The following FRMPD2 variants were observed in gnomAD, a reference collection of about 807,000 sequenced individuals.
FRMPD2 encodes FERM and PDZ domain containing 2, also known as FERM and PDZ domain-containing protein 2.
A neutral mutation model predicts 140.1 loss-of-function variants in FRMPD2; 96 were observed. That is an observed-to-expected ratio of 0.69 (90% CI 0.58 to 0.81). The LOEUF is 0.81. Ranked by LOEUF, FRMPD2 falls within the 40% of genes least tolerant of loss-of-function variation. The pLI, the probability that FRMPD2 is intolerant of heterozygous loss-of-function variation, is 0.00. For synonymous variants in FRMPD2, 449 were observed against 547.6 expected (o/e 0.82, Z 2.52); for missense variants, 1,240 against 1,447.4 (o/e 0.86, Z 2.32).
At position 48,242,147 on chromosome 10, in the gene FRMPD2, G is replaced by A. The variant is rs372542239; in HGVS notation, c.567+14C>T. 7.7e-6 allele frequency: 12 copies of A among 1,553,584 alleles called. No homozygotes were observed. The highest frequency in any genetic ancestry group is 4.5e-5 in the East Asian group (2 of 43,980). On this transcript the variant is annotated intron_variant, in intron 5 of 28. Transcript: ENST00000374201. ...CCAGCAGCTACTGCTTGAAAAGCAC[G>A]GTTCTCTACTGACCTCAGAAATGGT... is the stretch of plus-strand genomic sequence containing the variant.
intron 12 of FRMPD2, among the ~76,000 whole-genome samples, chr10:48,218,989 T>C (rs567366607): frequency 2.6e-5 from 4 of 152,328 alleles, no homozygotes; most frequent in Non-Finnish European, 5.9e-5. Flanking sequence ...TCACCTGTGC[T>C]GGCCAAAGGT....
chr10:48,255,697 G>A (rs1474805963), intron 1 of FRMPD2, among the ~76,000 whole-genome samples: 1 of 152,212 alleles, frequency 6.6e-6, no homozygotes, highest in African/African-American at 2.4e-5. Context: ...AGCTTTTGGT[G>A]TGGGGGACAT....
chr10:48,273,666 C>T (rs1472597548), intron 1 of FRMPD2, among the ~76,000 whole-genome samples: 1 of 152,170 alleles, frequency 6.6e-6, no homozygotes, highest in Non-Finnish European at 1.5e-5. Flanking sequence ...CATGCAGGTC[C>T]AGCATTCTGC....
chr10:48,209,074 C>A (rs1223130373), intron 13 of FRMPD2, among the ~76,000 whole-genome samples: 1 of 152,118 alleles, frequency 6.6e-6, no homozygotes, highest in African/African-American at 2.4e-5. Flanking sequence ...TTGGGGAAAC[C>A]AGCTCCTGGC....
At chr10:48,196,353 T>C (rs1210122756) in intron 15 of FRMPD2, among the ~76,000 whole-genome samples, 2 of 152,192 alleles carry the variant, frequency 1.3e-5, no homozygotes, top group Non-Finnish European at 2.9e-5. Flanking sequence ...GATTGGTCCT[T>C]TTGAAAGGTC....
rs1036207836 is a variant in FRMPD2 at position 48,183,807 on chromosome 10, G to A, written c.2584+759C>T. 1.1e-4 allele frequency among the ~76,000 whole-genome samples: 15 copies of A among 136,800 alleles called. No individual in the cohort carries two copies. In the Middle Eastern group the frequency reaches 0.013, roughly 118 times the overall value. The allele number at this position is 136,800 out of a possible 152,430, so 89.7% of individuals were successfully genotyped here. A position where few individuals can be genotyped will look rare whatever the true frequency, so the allele number is the denominator to read the frequency against. On this transcript the variant is annotated intron_variant, in intron 20 of 28. Transcript: ENST00000374201. Reference sequence around the variant, plus strand: ...GTGGAGCCTGCAGAAAGCCAAGATCGTGCCATTGCACTCCATCCTGGGTGA... The same window carrying A: ...GTGGAGCCTGCAGAAAGCCAAGATCATGCCATTGCACTCCATCCTGGGTGA...
intron 24 of FRMPD2, among the ~76,000 whole-genome samples, chr10:48,174,548 C>T (rs1341599209): frequency 1.3e-5 from 2 of 151,676 alleles, no homozygotes; most frequent in African/African-American, 4.8e-5. Context: ...GCAGCCAGAG[C>T]CAGGCTAGAG....
intron 3 of FRMPD2, among the ~76,000 whole-genome samples, chr10:48,247,180 A>G (rs1840269416): frequency 6.6e-6 from 1 of 152,220 alleles, no homozygotes; most frequent in South Asian, 2.1e-4. Context: ...GGAGGAAGGA[A>G]CATATTATTT....
chr10:48,199,420 G>A, intron 15 of FRMPD2, among the ~76,000 whole-genome samples: 1 of 152,182 alleles, frequency 6.6e-6, no homozygotes, highest in East Asian at 1.9e-4. Flanking sequence ...AATGTGATGA[G>A]TTACATTTCT....
rs190543072 is a variant in FRMPD2 at position 48,187,844 on chromosome 10, G to A, written c.2166-552C>T. Among the ~76,000 whole-genome samples, 429 of 152,272 alleles carry A rather than the reference G, an allele frequency of 2.8e-3. 1 individual carries two copies. The highest frequency in any genetic ancestry group is 9.8e-3 in the African/African-American group (409 of 41,558). On this transcript the variant is annotated intron_variant, in intron 16 of 28. Transcript: ENST00000374201. ...CATTGTACATGTTGTGTTGGGTGCCGCCTGATCATACCATGCTGTGAACAA... is the reference window on the plus strand; with the variant it reads ...CATTGTACATGTTGTGTTGGGTGCCACCTGATCATACCATGCTGTGAACAA...
chr10:48,181,569 C>T (rs1274074781), intron 20 of FRMPD2, among the ~76,000 whole-genome samples: 2 of 152,004 alleles, frequency 1.3e-5, no homozygotes, highest in Non-Finnish European at 2.9e-5. Flanking sequence ...AAACTGCAGG[C>T]CCCTGTGAGT....
intron 3 of FRMPD2, among the ~76,000 whole-genome samples, chr10:48,247,807 C>A (rs941823083): frequency 6.6e-6 from 1 of 152,124 alleles, no homozygotes; most frequent in African/African-American, 2.4e-5. Flanking sequence ...GTAGGTGGAG[C>A]CAAGAGTCCC....
At chr10:48,222,157 G>A (rs1271450728) in intron 12 of FRMPD2, among the ~76,000 whole-genome samples, 156 bp downstream of exon 12, 1 of 152,068 alleles carries the variant, frequency 6.6e-6, no homozygotes. Flanking sequence ...TGGATGGATG[G>A]ATGGATGGAT....
intron 17 of FRMPD2, among the ~76,000 whole-genome samples, chr10:48,185,871 A>G (rs1171283751): frequency 2.6e-5 from 4 of 152,230 alleles, no homozygotes; most frequent in African/African-American, 9.6e-5. Flanking sequence ...GTGTTGCTCA[A>G]GTTCCAGCTT....
chr10:48,247,706 C>T (rs768541442), intron 3 of FRMPD2, among the ~76,000 whole-genome samples: 5 of 152,222 alleles, frequency 3.3e-5, no homozygotes, highest in African/African-American at 7.2e-5. Flanking sequence ...GTTGCATTGG[C>T]GTGGTCCTTT....
chr10:48,195,723 A>G (rs935871345), intron 15 of FRMPD2, among the ~76,000 whole-genome samples: 7 of 152,382 alleles, frequency 4.6e-5, no homozygotes, highest in African/African-American at 1.7e-4. Context: ...CAAAAAGTAA[A>G]CTAAATATCA....
intron 4 of FRMPD2, 147 bp from the exon 5 acceptor site, chr10:48,242,499 G>T (rs1223527338): frequency 3.2e-6 from 2 of 632,832 alleles, no homozygotes; most frequent in Non-Finnish European, 5.3e-6. Context: ...GAGAGTTTAA[G>T]GACAGACACA....
chr10:48,255,045 A>T (rs1385306337), intron 1 of FRMPD2, among the ~76,000 whole-genome samples: 2 of 152,224 alleles, frequency 1.3e-5, no homozygotes, highest in African/African-American at 2.4e-5. Flanking sequence ...GAGAGATCTG[A>T]CAGTGAGGAT....
chr10:48,200,193 T>TAAAAAAAAAAA (rs879909099), intron 15 of FRMPD2, among the ~76,000 whole-genome samples: 2 of 139,336 alleles, frequency 1.4e-5, no homozygotes, highest in Admixed American at 6.9e-5. Flanking sequence ...AATAAATAAA[T>TAAAAAAAAAAA]AAATAAAACA....
Sources: allele counts gnomAD v4.1 joint callset (sites outside exome capture counted in the v4.1 genomes callset), GRCh38; gene constraint gnomAD v4.1.1; transcripts MANE v1.5; gene names NCBI Gene and HGNC (gene_info 2026-07-23, HGNC 2026-07-21).